SCN1A: variants seen among roughly 807,000 people sequenced by gnomAD.
SCN1A encodes the protein sodium voltage-gated channel alpha subunit 1, also known as sodium channel protein type 1 subunit alpha.
Under a neutral mutation model 193.7 loss-of-function variants are expected in SCN1A, and 13 were observed. The ratio of observed to expected loss-of-function variants is 0.07; its 90% CI spans 0.04 to 0.11. SCN1A has a LOEUF of 0.11. Among genes scored for constraint, SCN1A ranks in the 10% least tolerant of loss-of-function variants. SCN1A has a pLI of 1.00. For synonymous variants in SCN1A, 781 were observed against 843.6 expected, an observed-to-expected ratio of 0.93 and a Z score of 1.29; for missense variants, 1,432 against 2,451.1, an observed-to-expected ratio of 0.58 and a Z score of 8.78.
At chr2:166,056,540 T>C (rs567527759) in intron 5 of SCN1A, 40 bp from the exon 6 acceptor site, 2 of 1,414,352 alleles carry the variant, frequency 1.4e-6, no homozygotes, top group Non-Finnish European at 2.0e-6. Flanking sequence ...AAAATCAAAA[T>C]CCAAGTGTTA....
rs773885588 is a variant in SCN1A, at chr2:166,056,368, T to A, written c.473+43A>T. ...ACTACATTAAGACACAGTTTCAAAA[T>A]CCCAAATGTATATATGTTATTAAAA... On this transcript the variant is annotated intron_variant, in intron 6 of 28. Coordinates refer to ENST00000674923, the MANE Select transcript of SCN1A (RefSeq NM_001165963.4). The A allele has an allele frequency of 6.5e-6, 8 of 1,222,226 alleles. No individual in the cohort carries two copies. In the East Asian group the frequency reaches 9.3e-5, roughly 14 times the overall value. The allele number at this position is 1,222,226 out of a possible 1,614,324, so 75.7% of individuals were successfully genotyped here. A position where few individuals can be genotyped will look rare whatever the true frequency, so the allele number is the denominator to read the frequency against.
chr2:166,084,650 C>A (rs1685906664), intron 2 of SCN1A, among the ~76,000 whole-genome samples: 1 of 152,136 alleles, frequency 6.6e-6, no homozygotes, highest in Non-Finnish European at 1.5e-5. Context: ...AGGATGCTTA[C>A]ATTCCTTCTT....
intron 4 of SCN1A, among the ~76,000 whole-genome samples, chr2:166,071,276 A>G (rs534293811): frequency 2.0e-5 from 3 of 152,342 alleles, no homozygotes; most frequent in African/African-American, 4.8e-5. Flanking sequence ...TTTCAGATAC[A>G]TTAATTTCCA....
chr2:166,116,091 T>C (rs1435264389), intron 2 of SCN1A, among the ~76,000 whole-genome samples: 4 of 152,200 alleles, frequency 2.6e-5, no homozygotes, highest in African/African-American at 9.6e-5. Context: ...GAAATAAACC[T>C]GGACAGCTCA....
At chr2:166,098,334 A>G (rs1687626889) in intron 2 of SCN1A, among the ~76,000 whole-genome samples, 1 of 152,196 alleles carries the variant, frequency 6.6e-6, no homozygotes, top group Admixed American at 6.5e-5. Context: ...TCTTCATGTT[A>G]AAAACCCTCA....
chr2:166,109,084 C>T (rs1176114538), intron 2 of SCN1A, among the ~76,000 whole-genome samples: 3 of 152,098 alleles, frequency 2.0e-5, no homozygotes, highest in African/African-American at 7.2e-5. Flanking sequence ...ACAAAAATTA[C>T]AGCATTTGAT....
chr2:165,989,073 C>CGT lies in SCN1A; in HGVS notation c.*2171_*2172insAC, dbSNP rs1688807662. 3 of 108,080 alleles carry CGT rather than the reference C, an allele frequency of 2.8e-5. No individual in the cohort carries two copies. Among genetic ancestry groups the CGT allele is most frequent in the African/African-American group, 9.6e-5 (3 of 31,374 alleles). 6.7% of individuals were successfully genotyped at this position (108,080 alleles called of 1,614,324 possible). Reference sequence around the variant, plus strand: ...GTGTGTGTGTGTGTGTGTGTGCGCGCGCGCTCCCCTTCTCCCCCAATTTGT... The same window carrying CGT: ...GTGTGTGTGTGTGTGTGTGTGCGCGCGTGCGCTCCCCTTCTCCCCCAATTTGT... On this transcript the variant is annotated 3_prime_UTR_variant, in exon 29 of 29. Transcript: ENST00000674923.
rs116702650 is a variant in SCN1A, at chr2:166,023,660, G to A, written c.3430-7933C>T. ...GATGAGGAAGTTCAGAGTGGGTATG[G>A]CTGCTGGGCCTGCACAGTCTGGGTA... On this transcript the variant is annotated intron_variant, in intron 19 of 28. Transcript: ENST00000674923. Among the ~76,000 whole-genome samples, 877 of 152,144 alleles carry A rather than the reference G, an allele frequency of 5.8e-3. 12 individuals are homozygous for A. Among genetic ancestry groups the A allele is most frequent in the African/African-American group, 0.02 (836 of 41,496 alleles).
In SCN1A at chr2:166,073,657, T is replaced by C. The variant is rs762162265; in HGVS notation, c.-36A>G. 6.2e-7 allele frequency: 1 copy of C among 1,609,792 alleles called. No individual in the cohort carries two copies. The highest frequency in any genetic ancestry group is 1.1e-5 in the South Asian group (1 of 90,238). On this transcript the variant is annotated 5_prime_UTR_variant, in exon 4 of 29. Coordinates refer to ENST00000674923, the MANE Select transcript of SCN1A (RefSeq NM_001165963.4). The stretch of plus-strand genomic sequence containing the variant: ...TGCACATTTTAATTACCATTTATTC[T>C]GCATATGAAATTCCTAAAATAAAAG...
intron 4 of SCN1A, among the ~76,000 whole-genome samples, chr2:166,066,825 C>T (rs1683889960): frequency 6.6e-6 from 1 of 152,126 alleles, no homozygotes; most frequent in South Asian, 2.1e-4. Context: ...GTAAAGTGGA[C>T]CATGTTACTG....
At chr2:166,144,092 GT>G (rs1443180051) in intron 1 of SCN1A, among the ~76,000 whole-genome samples, 2 of 152,148 alleles carry the variant, frequency 1.3e-5, no homozygotes, top group Non-Finnish European at 2.9e-5. Flanking sequence ...TTTAAAATTT[GT>G]TTTTTGGTTC....
At chr2:165,985,534 G>A (rs151177931), downstream of SCN1A, 6 of 152,250 alleles carry the variant, frequency 3.9e-5, no homozygotes, top group East Asian at 1.2e-3. Context: ...CTTGCTTGTT[G>A]CTGAGGTGAG....
chr2:165,995,929 A>G, intron 27 of SCN1A, 84 bp downstream of exon 27: 1 of 910,130 alleles, frequency 1.1e-6, no homozygotes, highest in Non-Finnish European at 1.8e-6. Context: ...TCTACTGGAA[A>G]TGTTAGCTAC....
intron 7 of SCN1A, chr2:166,053,177 T>A: frequency 1.2e-6 from 1 of 818,982 alleles, no homozygotes; most frequent in Non-Finnish European, 2.1e-6. Context: ...AGGATTTATA[T>A]TACTTGCATG....
Position 166,053,368 on chromosome 2 carries a change from T to C in SCN1A, c.603-425A>G, listed in dbSNP as rs1299236895. Among the ~76,000 whole-genome samples the C allele has an allele frequency of 3.3e-5, 5 of 152,126 alleles. No individual in the cohort carries two copies. In the South Asian group the frequency reaches 8.3e-4, roughly 25 times the overall value. ...AAAGCAATGCAACCAACATCATGTG[T>C]AACTTGTAAAAAGAAAGTAAATCTT... On this transcript the variant is annotated intron_variant, in intron 7 of 28. Transcript: ENST00000674923.
downstream of SCN1A, chr2:165,985,712 C>T (rs962646394): frequency 6.6e-6 from 1 of 152,108 alleles, no homozygotes; most frequent in African/African-American, 2.4e-5. Flanking sequence ...TTTTCCTCCT[C>T]TAGTGCCTTT....
chr2:166,057,448 TC>T (rs1699243230), intron 5 of SCN1A, among the ~76,000 whole-genome samples: 1 of 151,880 alleles, frequency 6.6e-6, no homozygotes, highest in Admixed American at 6.6e-5. Context: ...AGATAAAGGG[TC>T]CAGGACTAGA....
At chr2:166,114,199 C>T (rs1689603530) in intron 2 of SCN1A, among the ~76,000 whole-genome samples, 1 of 152,078 alleles carries the variant, frequency 6.6e-6, no homozygotes, top group Non-Finnish European at 1.5e-5. Context: ...GTAGAAAAAT[C>T]AGAAATTAGT....
intron 20 of SCN1A, among the ~76,000 whole-genome samples, chr2:166,015,384 A>G (rs1326678399): frequency 6.6e-6 from 1 of 151,808 alleles, no homozygotes; most frequent in Non-Finnish European, 1.5e-5. Flanking sequence ...GATGGTACTA[A>G]AATATTTTTC....
Sources: gnomAD v4.1 joint callset for allele counts (sites outside exome capture counted in the v4.1 genomes callset) on GRCh38, gnomAD v4.1.1 for gene constraint, MANE v1.5 for transcripts, NCBI Gene and HGNC (gene_info 2026-07-23, HGNC 2026-07-21) for gene names.